Variants in FAM161A observed in about 807,000 individuals in gnomAD.
The protein encoded by FAM161A is protein FAM161A.
A neutral mutation model predicts 70.9 loss-of-function variants in FAM161A; 57 were observed. The ratio of observed to expected loss-of-function variants is 0.80; its 90% CI spans 0.65 to 1.00. The LOEUF is 1.00. Among genes scored for constraint, FAM161A ranks in the 50% least tolerant of loss-of-function variants. FAM161A has a pLI of 0.00. For synonymous variants in FAM161A, 299 were observed against 295.7 expected (o/e 1.01, Z -0.12); for missense variants, 880 against 836.0 (o/e 1.05, Z -0.65).
chr2:61,807,176 A>G, the FAM161A span, among the ~76,000 whole-genome samples: 1 of 152,126 alleles, frequency 6.6e-6, no homozygotes, highest in Non-Finnish European at 1.5e-5. Context: ...TTGAAGCATC[A>G]GATGTCCTGA....
chr2:61,846,210 T>C (rs1008469339), intron 1 of FAM161A, among the ~76,000 whole-genome samples: 9 of 150,094 alleles, frequency 6.0e-5, no homozygotes, highest in African/African-American at 2.2e-4. Context: ...CAGGCTGGGG[T>C]TGGGGAGGCT....
intron 1 of FAM161A, among the ~76,000 whole-genome samples, chr2:61,853,022 C>CTGCCT (rs1673550697): frequency 7.0e-6 from 1 of 143,358 alleles, no homozygotes; most frequent in Non-Finnish European, 1.5e-5. Flanking sequence ...AGCGATTCTC[C>CTGCCT]TGCCTCAGCC....
rs1327105687 is a variant in FAM161A at position 61,838,588 on chromosome 2, G to C, written c.1701C>G (p.Asp567Glu). ...ATATTTGAGCTAAACTTTGATGTGA[G>C]TCATAAGCCTTAGCCCGGGTTGTCA... is the stretch of plus-strand genomic sequence containing the variant. ...KLLTTRAKAY[D>E]SHQSLAQISK... The change falls in exon 4 of 7, where the codon GAC becomes GAG. Residue 567 changes from aspartate to glutamate, a missense_variant. Physicochemically the swap from Asp to Glu is conservative, Grantham distance 45 (BLOSUM62 2). Transcript: ENST00000404929. 1.9e-6 allele frequency: 3 copies of C among 1,612,000 alleles called. No individual in the cohort carries two copies.
the FAM161A span, among the ~76,000 whole-genome samples, chr2:61,806,731 C>T: frequency 7.3e-5 from 8 of 109,476 alleles, no homozygotes; most frequent in Admixed American, 5.6e-4. Flanking sequence ...CTGGCTCTGT[C>T]GCCCAGGCTG....
intron 4 of FAM161A, 58 bp from the exon 5 acceptor site, chr2:61,836,167 C>CA: frequency 8.7e-7 from 1 of 1,147,924 alleles, no homozygotes; most frequent in Admixed American, 1.9e-5. Flanking sequence ...TAAGAACTTA[C>CA]ATATGTAACA....
chr2:61,834,609 C>T (rs919674453), intron 5 of FAM161A, among the ~76,000 whole-genome samples: 4 of 152,034 alleles, frequency 2.6e-5, no homozygotes, highest in African/African-American at 4.8e-5. Context: ...ACTACAGGCA[C>T]GCAAAACCAT....
At chr2:61,807,158 A>T in the FAM161A span, among the ~76,000 whole-genome samples, 1 of 152,170 alleles carries the variant, frequency 6.6e-6, no homozygotes, top group Non-Finnish European at 1.5e-5. Flanking sequence ...AGGGCTTGCT[A>T]ATTGAAGTTG....
At chr2:61,846,397 C>T (rs1673216223) in intron 1 of FAM161A, among the ~76,000 whole-genome samples, 1 of 152,276 alleles carries the variant, frequency 6.6e-6, no homozygotes, top group Non-Finnish European at 1.5e-5. Context: ...CCCCTTATGA[C>T]CCTTCAAAGA....
chr2:61,817,369 G>A, the FAM161A span, among the ~76,000 whole-genome samples: 1 of 152,166 alleles, frequency 6.6e-6, no homozygotes, highest in African/African-American at 2.4e-5. Context: ...ATGCTTCTCT[G>A]TACCTGGTAC....
At chr2:61,839,099 G>A (rs1359790824) in intron 3 of FAM161A, among the ~76,000 whole-genome samples, 2 of 151,598 alleles carry the variant, frequency 1.3e-5, no homozygotes, top group Admixed American at 6.6e-5. Context: ...CGGCCAGGGT[G>A]GTCTTGAACT....
At chr2:61,803,101 CT>C in the FAM161A span, 2 of 402,456 alleles carry the variant, frequency 5.0e-6, no homozygotes, top group Non-Finnish European at 9.3e-6. Context: ...GACACAGTAA[CT>C]ATCCTAACTA....
At chr2:61,806,453 T>C in the FAM161A span, among the ~76,000 whole-genome samples, 1 of 152,130 alleles carries the variant, frequency 6.6e-6, no homozygotes, top group African/African-American at 2.4e-5. Context: ...GAGATATTCA[T>C]TTTAAACACC....
the FAM161A span, among the ~76,000 whole-genome samples, chr2:61,807,407 A>G: frequency 1.3e-5 from 2 of 151,902 alleles, no homozygotes; most frequent in Non-Finnish European, 2.9e-5. Context: ...CATTGCGTAG[A>G]TTGTGCTATG....
At chr2:61,810,458 T>G in the FAM161A span, among the ~76,000 whole-genome samples, 1 of 142,156 alleles carries the variant, frequency 7.0e-6, no homozygotes, top group Admixed American at 7.0e-5. Context: ...ACTTCCTTTT[T>G]TTTTTTTTTT....
chr2:61,825,279 G>T lies in FAM161A; in HGVS notation c.*1176C>A, dbSNP rs571664539. 1 of 454,040 alleles carries T rather than the reference G, an allele frequency of 2.2e-6. No individual in the cohort carries two copies. Among genetic ancestry groups the T allele is most frequent in the Non-Finnish European group, 4.4e-6 (1 of 226,784 alleles). The allele number at this position is 454,040 out of a possible 1,614,324, so 28.1% of individuals were successfully genotyped here. A position where few individuals can be genotyped will look rare whatever the true frequency, so the allele number is the denominator to read the frequency against. ...AACACTGTACACAGAGAGATAAAGTGTGTTGGCAATAATATGTAAAAAGTT... is the reference window on the plus strand; with the variant it reads ...AACACTGTACACAGAGAGATAAAGTTTGTTGGCAATAATATGTAAAAAGTT... On this transcript the variant is annotated 3_prime_UTR_variant, in exon 7 of 7. Transcript: ENST00000404929.
the FAM161A span, among the ~76,000 whole-genome samples, chr2:61,811,804 C>G: frequency 6.6e-6 from 1 of 152,196 alleles, no homozygotes; most frequent in East Asian, 1.9e-4. Flanking sequence ...CTGTGCCTGG[C>G]CCAGAGTGAC....
chr2:61,800,490 T>C, the FAM161A span, among the ~76,000 whole-genome samples: 2 of 152,154 alleles, frequency 1.3e-5, no homozygotes, highest in African/African-American at 4.8e-5. Context: ...ATCTTCATGG[T>C]GGCAAGACAG....
the FAM161A span, among the ~76,000 whole-genome samples, chr2:61,814,963 A>G: frequency 6.6e-6 from 1 of 152,032 alleles, no homozygotes; most frequent in Non-Finnish European, 1.5e-5. Context: ...ATTTCTCGTG[A>G]TTTTTCAGCT....
At chr2:61,804,760 A>G in the FAM161A span, among the ~76,000 whole-genome samples, 89 of 57,754 alleles carry the variant, frequency 1.5e-3, 1 homozygote, top group Non-Finnish European at 5.9e-4. Flanking sequence ...GAAAGAAAGA[A>G]AAAGAAAGAG....
Sources: allele counts gnomAD v4.1 joint callset (sites outside exome capture counted in the v4.1 genomes callset), GRCh38; gene constraint gnomAD v4.1.1; transcripts MANE v1.5; gene names NCBI Gene and HGNC (gene_info 2026-07-23, HGNC 2026-07-21).